MCIDAS: variants seen among roughly 807,000 people sequenced by gnomAD.
The protein encoded by MCIDAS is multicilin.
A neutral mutation model predicts 35.4 loss-of-function variants in MCIDAS; 23 were observed. The ratio of observed to expected loss-of-function variants is 0.65; its 90% CI spans 0.47 to 0.92. The LOEUF (loss-of-function observed/expected upper bound fraction) is 0.92. Among genes scored for constraint, MCIDAS ranks in the 40% least tolerant of loss-of-function variants. The pLI, the probability that MCIDAS is intolerant of heterozygous loss-of-function variation, is 0.00. For missense variants in MCIDAS, 480 were observed against 531.8 expected, an observed-to-expected ratio of 0.90 and a Z score of 0.96; for synonymous variants, 228 against 235.2, an observed-to-expected ratio of 0.97 and a Z score of 0.28.
intron 6 of MCIDAS, 54 bp from the exon 7 acceptor site, chr5:55,220,860 C>G (rs755700969): frequency 6.7e-7 from 1 of 1,493,290 alleles, no homozygotes; most frequent in Middle Eastern, 2.3e-4. Flanking sequence ...CCTCCGGGTT[C>G]GGAGCGTGCA....
Position 55,222,284 on chromosome 5 carries a change from C to T in MCIDAS, c.498G>A (p.Gln166=), listed in dbSNP as rs1745374287. The T allele has an allele frequency of 1.3e-6, 2 of 1,535,906 alleles. No homozygotes were observed. Among genetic ancestry groups the T allele is most frequent in the African/African-American group, 1.4e-5 (1 of 73,052 alleles). Residue 166 remains glutamine, a synonymous_variant, in exon 5 of 7, where the codon CAG becomes CAA. Coordinates refer to ENST00000513312, the MANE Select transcript of MCIDAS (RefSeq NM_001190787.3). Reference sequence around the variant, plus strand: ...CGTCTGGAGGGCGCAGCGGTGGTGACTGCAGGGCCCGTGGGTCCAGTGGCG... The same window carrying T: ...CGTCTGGAGGGCGCAGCGGTGGTGATTGCAGGGCCCGTGGGTCCAGTGGCG... The part of the protein sequence containing the change: ...LSPPLDPRAL[Q]SPPLRPPDVP...
At chr5:55,226,462 C>A in intron 3 of MCIDAS, 114 bp downstream of exon 3, 1 of 1,021,680 alleles carries the variant, frequency 9.8e-7, no homozygotes, top group East Asian at 2.8e-5. Context: ...CCCTCACCAG[C>A]TGAGTGTGCC....
chr5:55,221,183 T>C (rs973757275), intron 5 of MCIDAS, 57 bp from the exon 6 acceptor site: 76 of 1,287,696 alleles, frequency 5.9e-5, no homozygotes, highest in Non-Finnish European at 7.5e-5. Context: ...CTCGTCTGCA[T>C]ATCTGGCATG....
At chr5:55,225,474 T>C (rs993562478) in intron 3 of MCIDAS, among the ~76,000 whole-genome samples, 5 of 152,312 alleles carry the variant, frequency 3.3e-5, no homozygotes, top group Middle Eastern at 3.4e-3. Context: ...CCTTATTTGA[T>C]CATCCAGATC....
At position 55,223,045 on chromosome 5, in the gene MCIDAS, C is replaced by T. The variant is rs1180338115; in HGVS notation, c.310-22G>A. ...GGTTCTGAAAAAAACCAGAGGTGTACACTGGTTAACGAGTCTGGCGTTAGA... is the reference window on the plus strand; with the variant it reads ...GGTTCTGAAAAAAACCAGAGGTGTATACTGGTTAACGAGTCTGGCGTTAGA... On this transcript the variant is annotated intron_variant, in intron 3 of 6. Coordinates refer to ENST00000513312, the MANE Select transcript of MCIDAS (RefSeq NM_001190787.3). This position sits in a 1 kb window ranked among gnomAD's most constrained non-coding sequence, Gnocchi z 4.4. 6.5e-7 allele frequency: 1 copy of T among 1,529,402 alleles called. No homozygotes were observed. Among genetic ancestry groups the T allele is most frequent in the Admixed American group, 2.0e-5 (1 of 50,960 alleles). The allele number at this position is 1,529,402 out of a possible 1,614,324, so 94.7% of individuals were successfully genotyped here.
In MCIDAS at chr5:55,223,065, G is replaced by A; in HGVS notation, c.310-42C>T. On this transcript the variant is annotated intron_variant, in intron 3 of 6. Transcript: ENST00000513312. The surrounding 1 kb of genome is among the most constrained non-coding windows in gnomAD (Gnocchi z 4.4). ...GTGTACACTGGTTAACGAGTCTGGCGTTAGAAAGCCTTCAATAAATATTGG... is the reference window on the plus strand; with the variant it reads ...GTGTACACTGGTTAACGAGTCTGGCATTAGAAAGCCTTCAATAAATATTGG... The A allele has an allele frequency of 1.4e-6, 2 of 1,478,108 alleles. No homozygotes were observed. The highest frequency in any genetic ancestry group is 1.8e-6 in the Non-Finnish European group (2 of 1,094,716). 91.6% of individuals were successfully genotyped at this position (1,478,108 alleles called of 1,614,324 possible). A position where few individuals can be genotyped will look rare whatever the true frequency, so the allele number is the denominator to read the frequency against.
Position 55,220,379 on chromosome 5 carries a change from C to T in MCIDAS, c.1145G>A (p.Trp382Ter). The T allele has an allele frequency of 6.5e-7, 1 of 1,534,994 alleles. No individual in the cohort carries two copies. Among genetic ancestry groups the T allele is most frequent in the Non-Finnish European group, 8.7e-7 (1 of 1,146,066 alleles). ...CCACATCACAGCTCAACTGGGGACC[C>T]AGCGGAACTTGTAACCCCCGTTGGC... ...RTANGGYKFRWVPS is the reference protein window; with the variant it reads ...RTANGGYKFR Residue 382 changes from tryptophan to a stop codon, truncating the protein, a stop_gained, in exon 7 of 7, where the codon TGG becomes TAG. Transcript: ENST00000513312. LOFTEE classifies it high-confidence loss of function.
At position 55,223,033 on chromosome 5, in the gene MCIDAS, AC is replaced by A. The variant is rs1745389933; in HGVS notation, c.310-11del. ...TTTGGTGGGAATGGTTCTGAAAAAA[AC>A]CAGAGGTGTACACTGGTTAACGAGT... is the stretch of plus-strand genomic sequence containing the variant. On this transcript the variant is annotated splice_polypyrimidine_tract_variant and intron_variant, in intron 3 of 6. Coordinates refer to ENST00000513312, the MANE Select transcript of MCIDAS (RefSeq NM_001190787.3). The surrounding 1 kb of genome is among the most constrained non-coding windows in gnomAD (Gnocchi z 4.4). The A allele has an allele frequency of 2.0e-6, 3 of 1,535,654 alleles. No individual in the cohort carries two copies. The highest frequency in any genetic ancestry group is 2.6e-6 in the Non-Finnish European group (3 of 1,146,458).
chr5:55,226,929 G>A lies in MCIDAS; in HGVS notation c.123C>T (p.Phe41=), dbSNP rs748821872. 1.4e-5 allele frequency: 20 copies of A among 1,443,616 alleles called. No individual in the cohort carries two copies. Among genetic ancestry groups the A allele is most frequent in the African/African-American group, 1.5e-5 (1 of 67,226 alleles). 89.4% of individuals were successfully genotyped at this position (1,443,616 alleles called of 1,614,324 possible). A position where few individuals can be genotyped will look rare whatever the true frequency, so the allele number is the denominator to read the frequency against. The part of the protein sequence containing the change: ...LCKPGKPERK[F]APPRKFFPGC... The stretch of plus-strand genomic sequence containing the variant: ...CGGGGAAGAACTTCCGCGGAGGAGC[G>A]AACTGGCCGGGCACACAAACGTTGA... The change falls in exon 2 of 7, where the codon TTC becomes TTT. Residue 41 remains phenylalanine (F), a splice_region_variant and synonymous_variant. Transcript: ENST00000513312.
chr5:55,220,855 G>C, intron 6 of MCIDAS, 49 bp from the exon 7 acceptor site: 1 of 1,494,536 alleles, frequency 6.7e-7, no homozygotes, highest in Non-Finnish European at 8.9e-7. Flanking sequence ...CGGACCCTCC[G>C]GGTTCGGAGC....
At position 55,222,330 on chromosome 5, in the gene MCIDAS, G is replaced by A; in HGVS notation, c.452C>T (p.Pro151Leu). 6.5e-7 allele frequency: 1 copy of A among 1,534,760 alleles called. No homozygotes were observed. Among genetic ancestry groups the A allele is most frequent in the Non-Finnish European group, 8.7e-7 (1 of 1,146,118 alleles). ...TGGCGGGGAGAGGCAGGGCCCGAAT[G>A]GTGATATGTCGCAAGGAGAGAAGGG... The part of the protein sequence containing the change: ...DFPFSPCDIS[P>L]FGPCLSPPLD... Residue 151 changes from proline (P) to leucine (L), a missense_variant, in exon 5 of 7, where the codon CCA (proline) becomes CTA (leucine). Transcript: ENST00000513312.
chr5:55,222,540 T>A (rs1198745046), intron 4 of MCIDAS, 141 bp from the exon 5 acceptor site: 1 of 675,152 alleles, frequency 1.5e-6, no homozygotes, highest in African/African-American at 1.8e-5. Context: ...AACGCCTGAT[T>A]ACGAGGCCCT....
chr5:55,220,675 G>C lies in MCIDAS; in HGVS notation c.849C>G (p.Ile283Met), dbSNP rs140218762. 2.8e-5 allele frequency: 43 copies of C among 1,536,092 alleles called. No homozygotes were observed. The South Asian group carries it at 3.4e-4, about 12-fold the overall frequency. ...CGCAGCGCTCGGAAATCTCCCTCAG[G>C]ATGGCGTCCACTTCCGCGCAATCCT... ...AGQDCAEVDA[I>M]LREISERCDE... The change falls in exon 7 of 7, where the codon ATC becomes ATG. Residue 283 changes from isoleucine to methionine, a missense_variant. By Grantham distance (10) the Ile-to-Met change is conservative. Coordinates refer to ENST00000513312, the MANE Select transcript of MCIDAS (RefSeq NM_001190787.3).
Position 55,223,389 on chromosome 5 carries a change from G to T in MCIDAS, c.310-366C>A, listed in dbSNP as rs993682147. Among the ~76,000 whole-genome samples, 3 of 152,340 alleles carry T rather than the reference G, an allele frequency of 2.0e-5. No individual in the cohort carries two copies. Among genetic ancestry groups the T allele is most frequent in the Admixed American group, 2.0e-4 (3 of 15,308 alleles). Reference sequence around the variant, plus strand: ...GACTGGGGGAAGGGGGCAGCAGTTCGCGGCTCCTGCAGAGCAGCTGCGTGG... The same window carrying T: ...GACTGGGGGAAGGGGGCAGCAGTTCTCGGCTCCTGCAGAGCAGCTGCGTGG... On this transcript the variant is annotated intron_variant, in intron 3 of 6. Coordinates refer to ENST00000513312, the MANE Select transcript of MCIDAS (RefSeq NM_001190787.3). This position sits in a 1 kb window ranked among gnomAD's most constrained non-coding sequence, Gnocchi z 4.4.
chr5:55,226,451 C>G (rs1483822435), intron 3 of MCIDAS, 125 bp downstream of exon 3: 62 of 900,952 alleles, frequency 6.9e-5, no homozygotes, highest in Non-Finnish European at 9.0e-5. Context: ...CACAATGCTT[C>G]CCCTCACCAG....
intron 2 of MCIDAS, 23 bp downstream of exon 2, chr5:55,226,804 CGAGGGGTA>C: frequency 7.2e-7 from 1 of 1,387,068 alleles, no homozygotes; most frequent in Non-Finnish European, 9.3e-7. Context: ...GCGGGGAACC[CGAGGGGTA>C]GCGTGGGTGC....
At position 55,222,375 on chromosome 5, in the gene MCIDAS, G is replaced by T; in HGVS notation, c.407C>A (p.Thr136Asn). The change falls in exon 5 of 7, where the codon ACC (threonine) becomes AAC (asparagine). Residue 136 changes from threonine to asparagine, a missense_variant. By Grantham distance (65) the Thr-to-Asn change is moderately conservative. Coordinates refer to ENST00000513312, the MANE Select transcript of MCIDAS (RefSeq NM_001190787.3). ...ISDSSSMMSP[T>N]LASGDFPFSP... The stretch of plus-strand genomic sequence containing the variant: ...GAAGGGGAAGTCTCCGCTGGCCAGG[G>T]TAGGCGACATCATAGAGGATGAGTC... 1 of 1,519,810 alleles carries T rather than the reference G, an allele frequency of 6.6e-7. No homozygotes were observed. Among genetic ancestry groups the T allele is most frequent in the Non-Finnish European group, 8.8e-7 (1 of 1,136,644 alleles). 94.1% of individuals were successfully genotyped at this position (1,519,810 alleles called of 1,614,324 possible).
At position 55,227,010 on chromosome 5, in the gene MCIDAS, C is replaced by G; in HGVS notation, c.120+9G>C. On this transcript the variant is annotated intron_variant, in intron 1 of 6. Transcript: ENST00000513312. ...GCAGACCCCGCCCGGCCCGAATCAACCGCCCCACCTTCCTCTCCGGCTTCC... is the reference window on the plus strand; with the variant it reads ...GCAGACCCCGCCCGGCCCGAATCAAGCGCCCCACCTTCCTCTCCGGCTTCC... The G allele has an allele frequency of 6.6e-7, 1 of 1,519,894 alleles. No homozygotes were observed. The allele number at this position is 1,519,894 out of a possible 1,614,324, so 94.2% of individuals were successfully genotyped here.
Position 55,220,053 on chromosome 5 carries a change from T to G in MCIDAS, c.*313A>C. 1 of 264,062 alleles carries G rather than the reference T, an allele frequency of 3.8e-6. No homozygotes were observed. The allele number at this position is 264,062 out of a possible 1,614,324, so 16.4% of individuals were successfully genotyped here. A position where few individuals can be genotyped will look rare whatever the true frequency, so the allele number is the denominator to read the frequency against. The stretch of plus-strand genomic sequence containing the variant: ...CTTATAATATTAGAGCATTACATAA[T>G]TATAAAAGTAACTATGGTTTCTAAA... On this transcript the variant is annotated 3_prime_UTR_variant, in exon 7 of 7. Coordinates refer to ENST00000513312, the MANE Select transcript of MCIDAS (RefSeq NM_001190787.3).
Sources: allele counts gnomAD v4.1 joint callset (sites outside exome capture counted in the v4.1 genomes callset), GRCh38; gene constraint gnomAD v4.1.1; non-coding constraint Gnocchi (gnomAD v3.1); transcripts MANE v1.5; gene names NCBI Gene and HGNC (gene_info 2026-07-23, HGNC 2026-07-21).